Variants in ATR observed in about 807,000 individuals in gnomAD.
ATR encodes serine/threonine-protein kinase ATR.
In ATR, 142 loss-of-function variants were observed where a neutral mutation model predicts 305.3. The ratio of observed to expected loss-of-function variants is 0.47; its 90% confidence interval spans 0.41 to 0.53. The LOEUF is 0.53. Among genes scored for constraint, ATR ranks in the 20% least tolerant of loss-of-function variants. The pLI is 0.00. For missense variants in ATR, 2,135 were observed against 3,133.1 expected (o/e 0.68, Z 7.60); for synonymous variants, 1,050 against 1,068.1 (o/e 0.98, Z 0.33).
At position 142,490,765 on chromosome 3, in the gene ATR, A is replaced by G. The variant is rs116620903; in HGVS notation, c.6078+2367T>C. Among the ~76,000 whole-genome samples, 437 of 152,230 alleles carry G rather than the reference A, an allele frequency of 2.9e-3. 1 individual carries two copies. Among genetic ancestry groups the G allele is most frequent in the African/African-American group, 7.6e-3 (314 of 41,550 alleles). On this transcript the variant is annotated intron_variant, in intron 35 of 46. Transcript: ENST00000350721. ...CAAGTACTTTCTGCTTGTAAATGGTATGTTTTAAATTCCTTTCTTGTTGTC... is the reference window on the plus strand; with the variant it reads ...CAAGTACTTTCTGCTTGTAAATGGTGTGTTTTAAATTCCTTTCTTGTTGTC...
intron 42 of ATR, 80 bp from the exon 43 acceptor site, chr3:142,459,463 A>T (rs938326081): frequency 1.4e-6 from 2 of 1,455,502 alleles, no homozygotes; most frequent in African/African-American, 1.4e-5. Context: ...AAATTGGACA[A>T]GAAACATCTA....
chr3:142,577,808 A>G (rs1351318636), intron 1 of ATR, among the ~76,000 whole-genome samples: 1 of 152,242 alleles, frequency 6.6e-6, no homozygotes, highest in Non-Finnish European at 1.5e-5. Flanking sequence ...ATTAAAACAA[A>G]CAAAGCAAAA....
chr3:142,474,264 A>G (rs2071379115), intron 36 of ATR, among the ~76,000 whole-genome samples: 1 of 152,122 alleles, frequency 6.6e-6, no homozygotes, highest in African/African-American at 2.4e-5. Flanking sequence ...AAAAAAGGAA[A>G]GAAAGAATAA....
chr3:142,536,652 C>T lies in ATR; in HGVS notation c.3726-451G>A, dbSNP rs372512216. On this transcript the variant is annotated intron_variant, in intron 19 of 46. Coordinates refer to ENST00000350721, the MANE Select transcript of ATR (RefSeq NM_001184.4). Reference sequence around the variant, plus strand: ...ACAGACCGTGGTACAGAGAGACAGACTGTGAGACTACACGGAATGAGAGAG... The same window carrying T: ...ACAGACCGTGGTACAGAGAGACAGATTGTGAGACTACACGGAATGAGAGAG... 4.6e-5 allele frequency among the ~76,000 whole-genome samples: 7 copies of T among 152,254 alleles called. No homozygotes were observed. The South Asian group carries it at 1.5e-3, about 32-fold the overall frequency.
intron 24 of ATR, 39 bp from the exon 25 acceptor site, chr3:142,515,554 C>T (rs2032824828): frequency 6.4e-7 from 1 of 1,564,192 alleles, no homozygotes; most frequent in Non-Finnish European, 8.8e-7. Flanking sequence ...AAGATAAATC[C>T]ACCTGTTTAG....
chr3:142,578,693 A>C lies in ATR; in HGVS notation c.12T>G (p.His4Gln), dbSNP rs1233303480. 5 of 1,613,276 alleles carry C rather than the reference A, an allele frequency of 3.1e-6. No individual in the cohort carries two copies. The highest frequency in any genetic ancestry group is 2.2e-5 in the East Asian group (1 of 44,860). Residue 4 changes from histidine to glutamine, a missense_variant, in exon 1 of 47, where the codon CAT becomes CAG. By Grantham distance (24) the His-to-Gln change is conservative (BLOSUM62 0). This residue lies in a region of ATR where 744 missense variants were observed against 873.2 expected (regional missense o/e 0.85). Coordinates refer to ENST00000350721, the MANE Select transcript of ATR (RefSeq NM_001184.4). ...GGATCATGGAAGCCAGCTCCAGGCC[A>C]TGTTCCCCCATGCTGAGGCTGCGAG... MGE[H>Q]GLELASMIPA...
At chr3:142,451,777 C>A (rs2070796851) in intron 46 of ATR, 4 of 1,199,184 alleles carry the variant, frequency 3.3e-6, no homozygotes, top group Admixed American at 6.1e-5. Flanking sequence ...TTTGTAGAGA[C>A]CAGGGCTGGC....
At chr3:142,511,693 C>T (rs757485376) in intron 27 of ATR, among the ~76,000 whole-genome samples, 5 of 151,744 alleles carry the variant, frequency 3.3e-5, no homozygotes, top group Non-Finnish European at 7.4e-5. Flanking sequence ...AATATTAACC[C>T]CATTTTATAC....
intron 35 of ATR, among the ~76,000 whole-genome samples, chr3:142,491,911 C>A (rs2031301335): frequency 6.6e-6 from 1 of 152,062 alleles, no homozygotes; most frequent in Admixed American, 6.6e-5. Flanking sequence ...GTTTTTAAAT[C>A]CTGTCATTTC....
intron 35 of ATR, among the ~76,000 whole-genome samples, chr3:142,486,894 T>C (rs1243302855): frequency 1.4e-5 from 2 of 138,780 alleles, no homozygotes; most frequent in African/African-American, 5.5e-5. Flanking sequence ...GGTGGGCGGA[T>C]CACGAGGTCA....
intron 21 of ATR, among the ~76,000 whole-genome samples, chr3:142,532,864 A>C (rs1056250166): frequency 1.3e-5 from 2 of 152,176 alleles, no homozygotes; most frequent in Non-Finnish European, 2.9e-5. Context: ...TGGACTCTTA[A>C]GAGTACTGAC....
intron 24 of ATR, among the ~76,000 whole-genome samples, chr3:142,516,754 G>A (rs959813892): frequency 4.6e-5 from 7 of 151,848 alleles, no homozygotes; most frequent in African/African-American, 1.5e-4. Context: ...CTCCCATTCC[G>A]GATGCTCCTT....
chr3:142,466,570 C>T (rs2108273897), intron 39 of ATR, 37 bp from the exon 40 acceptor site: 12 of 1,557,302 alleles, frequency 7.7e-6, no homozygotes, highest in Non-Finnish European at 1.1e-5. Context: ...TTTGTTTTTA[C>T]CTTAAATTCC....
At chr3:142,578,523 C>T in intron 1 of ATR, 123 bp downstream of exon 1, 1 of 1,186,298 alleles carries the variant, frequency 8.4e-7, no homozygotes. Context: ...AGCATCTCCA[C>T]AAGGGCCGCA....
At chr3:142,533,556 C>T (rs2033743649) in intron 21 of ATR, among the ~76,000 whole-genome samples, 1 of 152,090 alleles carries the variant, frequency 6.6e-6, no homozygotes, top group Non-Finnish European at 1.5e-5. Context: ...CTCTTTATTC[C>T]TAGGTGTTTT....
Position 142,449,380 on chromosome 3 carries a change from A to G in ATR, c.*49T>C. On this transcript the variant is annotated 3_prime_UTR_variant, in exon 47 of 47. Coordinates refer to ENST00000350721, the MANE Select transcript of ATR (RefSeq NM_001184.4). Reference sequence around the variant, plus strand: ...ACAGATACAACCACAGATTCATACCAAATGCATTACTTTTAGATTATTAAC... The same window carrying G: ...ACAGATACAACCACAGATTCATACCGAATGCATTACTTTTAGATTATTAAC... 1 of 1,531,600 alleles carries G rather than the reference A, an allele frequency of 6.5e-7. No homozygotes were observed. Among genetic ancestry groups the G allele is most frequent in the Non-Finnish European group, 9.0e-7 (1 of 1,105,908 alleles). 94.9% of individuals were successfully genotyped at this position (1,531,600 alleles called of 1,614,324 possible).
chr3:142,480,088 G>A (rs982267447), intron 36 of ATR, among the ~76,000 whole-genome samples: 2 of 152,168 alleles, frequency 1.3e-5, no homozygotes, highest in African/African-American at 2.4e-5. Flanking sequence ...CTCTCAACTC[G>A]TCAAAGTCAT....
chr3:142,536,973 G>A (rs1456355375), intron 19 of ATR, among the ~76,000 whole-genome samples: 2 of 151,710 alleles, frequency 1.3e-5, no homozygotes, highest in East Asian at 3.9e-4. Flanking sequence ...AATCTTTCTG[G>A]GTCCAAATAT....
At chr3:142,545,024 A>G (rs1215423900) in intron 16 of ATR, among the ~76,000 whole-genome samples, 1 of 152,206 alleles carries the variant, frequency 6.6e-6, no homozygotes, top group Admixed American at 6.5e-5. Context: ...CTCTGTCAAC[A>G]TTCCAATATT....
Sources: allele counts gnomAD v4.1 joint callset (sites outside exome capture counted in the v4.1 genomes callset), GRCh38; gene constraint gnomAD v4.1.1; regional missense constraint gnomAD v4.1.1; transcripts MANE v1.5; gene names NCBI Gene and HGNC (gene_info 2026-07-23, HGNC 2026-07-21).